CNTN6: variants seen among roughly 807,000 people sequenced by gnomAD.
CNTN6 encodes the protein contactin 6, also known as contactin-6.
In CNTN6, 137 loss-of-function variants were observed where a neutral mutation model predicts 122.8. The observed-to-expected ratio is 1.12, with a 90% confidence interval of 0.97 to 1.29. The LOEUF (loss-of-function observed/expected upper bound fraction) is 1.29, where lower values mean the gene tolerates loss of function less well. Ranked by LOEUF, CNTN6 falls within the 50% of genes most tolerant of loss-of-function variation. The pLI, the probability that CNTN6 is intolerant of heterozygous loss-of-function variation, is 0.00. For missense variants in CNTN6, 1,634 were observed against 1,223.4 expected, an observed-to-expected ratio of 1.34 and a Z score of -5.01; for synonymous variants, 570 against 426.0, an observed-to-expected ratio of 1.34 and a Z score of -4.16.
chr3:1,247,477 T>C (rs951342214), intron 4 of CNTN6, among the ~76,000 whole-genome samples: 2 of 151,798 alleles, frequency 1.3e-5, no homozygotes, highest in African/African-American at 4.8e-5. Flanking sequence ...GCTTGAATTG[T>C]AAGTGAAACC....
In CNTN6 at chr3:1,387,132, C is replaced by T. The variant is rs370363077; in HGVS notation, c.2704+1335C>T. Among the ~76,000 whole-genome samples the T allele has an allele frequency of 7.2e-4, 109 of 151,298 alleles. 1 individual carries two copies. The highest frequency in any genetic ancestry group is 2.3e-3 in the African/African-American group (94 of 41,490). On this transcript the variant is annotated intron_variant, in intron 20 of 22. Coordinates refer to ENST00000446702, the MANE Select transcript of CNTN6 (RefSeq NM_001289080.2). ...TCTATTTATTAAATAGAAATTATCTCTGTCCTCACTCCTTCCCAAATTACC... is the reference window on the plus strand; with the variant it reads ...TCTATTTATTAAATAGAAATTATCTTTGTCCTCACTCCTTCCCAAATTACC...
At chr3:1,183,624 G>T (rs1268533213) in intron 2 of CNTN6, among the ~76,000 whole-genome samples, 2 of 151,928 alleles carry the variant, frequency 1.3e-5, no homozygotes, top group African/African-American at 4.8e-5. Flanking sequence ...CTTATAAAAA[G>T]AGTACTTTTT....
chr3:1,396,038 G>T (rs1287303142), intron 20 of CNTN6, among the ~76,000 whole-genome samples: 1 of 151,954 alleles, frequency 6.6e-6, no homozygotes, highest in Non-Finnish European at 1.5e-5. Flanking sequence ...ACCTCAAACT[G>T]CTTTGAAATT....
chr3:1,164,514 T>G (rs1422378470), intron 2 of CNTN6, among the ~76,000 whole-genome samples: 1 of 152,238 alleles, frequency 6.6e-6, no homozygotes, highest in Non-Finnish European at 1.5e-5. Context: ...ACAGTTCAAA[T>G]TTGTCATACA....
intron 2 of CNTN6, among the ~76,000 whole-genome samples, chr3:1,209,110 A>C (rs993007476): frequency 6.6e-6 from 1 of 152,192 alleles, no homozygotes; most frequent in Non-Finnish European, 1.5e-5. Context: ...TATGATCTGC[A>C]TGCCACTTCC....
chr3:1,401,870 T>A (rs1486105953), intron 21 of CNTN6, among the ~76,000 whole-genome samples: 2 of 152,002 alleles, frequency 1.3e-5, no homozygotes, highest in African/African-American at 4.8e-5. Context: ...TATATCTAAA[T>A]AGAGATTTTA....
intron 11 of CNTN6, among the ~76,000 whole-genome samples, chr3:1,335,539 G>T (rs1332394627): frequency 6.6e-6 from 1 of 152,002 alleles, no homozygotes; most frequent in Non-Finnish European, 1.5e-5. Flanking sequence ...TACCTATTCA[G>T]GAATCACCTC....
rs368431503 is a variant in CNTN6, at chr3:1,373,543, A to C, written c.1787-61A>C. ...ACAACAGGTAAAAATAAACCATCCTAGTACCAAATTAATGAATGTAAGTAT... is the reference window on the plus strand; with the variant it reads ...ACAACAGGTAAAAATAAACCATCCTCGTACCAAATTAATGAATGTAAGTAT... On this transcript the variant is annotated intron_variant, in intron 14 of 22. Coordinates refer to ENST00000446702, the MANE Select transcript of CNTN6 (RefSeq NM_001289080.2). The C allele has an allele frequency of 8.6e-6, 13 of 1,518,360 alleles. No homozygotes were observed. In the East Asian group the frequency reaches 3.0e-4, roughly 35 times the overall value. The allele number at this position is 1,518,360 out of a possible 1,614,324, so 94.1% of individuals were successfully genotyped here.
At chr3:1,158,021 AT>A (rs1173034402) in intron 2 of CNTN6, among the ~76,000 whole-genome samples, 2 of 152,126 alleles carry the variant, frequency 1.3e-5, no homozygotes, top group Admixed American at 1.3e-4. Flanking sequence ...CACCAGTGGG[AT>A]TGCTGGATCA....
chr3:1,102,669 A>G (rs374188600), intron 1 of CNTN6, among the ~76,000 whole-genome samples: 1,854 of 138,536 alleles, frequency 0.013, 42 homozygotes, highest in African/African-American at 0.026. Context: ...CGGAGCTTGC[A>G]GTGAGCAGAG....
intron 11 of CNTN6, among the ~76,000 whole-genome samples, chr3:1,335,468 C>A (rs540314832): frequency 1.3e-5 from 2 of 152,116 alleles, no homozygotes; most frequent in African/African-American, 4.8e-5. Flanking sequence ...ATCTACTTAG[C>A]AAGTGAACTG....
chr3:1,387,698 G>T lies in CNTN6; in HGVS notation c.2704+1901G>T, dbSNP rs532746995. Among the ~76,000 whole-genome samples the T allele has an allele frequency of 4.0e-3, 603 of 152,252 alleles. 3 individuals are homozygous for T. The highest frequency in any genetic ancestry group is 0.013 in the African/African-American group (521 of 41,544). Reference sequence around the variant, plus strand: ...GCCAGACAGTGGGCGCAGGTCAGTGGGTGAGCGCACCGTGCGCAAGCCGAA... The same window carrying T: ...GCCAGACAGTGGGCGCAGGTCAGTGTGTGAGCGCACCGTGCGCAAGCCGAA... On this transcript the variant is annotated intron_variant, in intron 20 of 22. Coordinates refer to ENST00000446702, the MANE Select transcript of CNTN6 (RefSeq NM_001289080.2).
chr3:1,255,416 G>GA (rs112987509), intron 4 of CNTN6, among the ~76,000 whole-genome samples: 13,855 of 116,936 alleles, frequency 0.12, 891 homozygotes, highest in African/African-American at 0.24. Context: ...ATTTGAAAAT[G>GA]GAAAAAAAAA....
intron 2 of CNTN6, among the ~76,000 whole-genome samples, chr3:1,156,915 C>T (rs2092983202): frequency 6.6e-6 from 1 of 152,020 alleles, no homozygotes; most frequent in South Asian, 2.1e-4. Flanking sequence ...CTGCCTCTCA[C>T]TGTGTTGCTC....
chr3:1,173,537 A>G (rs1309465759), intron 2 of CNTN6, among the ~76,000 whole-genome samples: 1 of 152,220 alleles, frequency 6.6e-6, no homozygotes, highest in East Asian at 1.9e-4. Context: ...CGAAGTTGGG[A>G]TGTGAACCCG....
intron 12 of CNTN6, among the ~76,000 whole-genome samples, chr3:1,363,042 G>A (rs1707704004): frequency 6.6e-6 from 1 of 151,548 alleles, no homozygotes; most frequent in South Asian, 2.1e-4. Flanking sequence ...CCCAAATAAA[G>A]ACAAAATAAA....
chr3:1,380,797 G>T (rs1370245132), intron 17 of CNTN6, among the ~76,000 whole-genome samples: 3 of 152,146 alleles, frequency 2.0e-5, no homozygotes, highest in African/African-American at 7.2e-5. Flanking sequence ...TAGTTTTGCT[G>T]ATTCTTAGTC....
chr3:1,141,892 A>G (rs897748859), intron 1 of CNTN6, among the ~76,000 whole-genome samples: 1 of 152,110 alleles, frequency 6.6e-6, no homozygotes, highest in Admixed American at 6.6e-5. Context: ...ATGCATGCAC[A>G]TCTACTCTGC....
intron 20 of CNTN6, among the ~76,000 whole-genome samples, chr3:1,400,447 A>T (rs1228872035): frequency 6.6e-6 from 1 of 151,878 alleles, no homozygotes; most frequent in East Asian, 1.9e-4. Context: ...GCCAGATTCT[A>T]AATCTTTCAT....
Sources: allele counts gnomAD v4.1 joint callset (sites outside exome capture counted in the v4.1 genomes callset), GRCh38; gene constraint gnomAD v4.1.1; transcripts MANE v1.5; gene names NCBI Gene and HGNC (gene_info 2026-07-23, HGNC 2026-07-21).